POLI: variants seen among roughly 807,000 people sequenced by gnomAD.
POLI encodes the protein DNA polymerase iota, also known as RAD30 homolog B.
A neutral mutation model predicts 51.6 loss-of-function variants in POLI; 58 were observed. The observed-to-expected ratio is 1.12, with a 90% CI of 0.91 to 1.40. The LOEUF is 1.40. Among genes scored for constraint, POLI ranks in the 40% most tolerant of loss-of-function variants. POLI has a pLI of 0.00. For missense variants in POLI, 921 were observed against 871.3 expected, an observed-to-expected ratio of 1.06 and a Z score of -0.72; for synonymous variants, 322 against 299.7, an observed-to-expected ratio of 1.07 and a Z score of -0.77.
chr18:54,279,899 TATA>T (rs1343071879), intron 4 of POLI, among the ~76,000 whole-genome samples: 1 of 152,248 alleles, frequency 6.6e-6, no homozygotes, highest in Non-Finnish European at 1.5e-5. Flanking sequence ...TTTCTTGTTA[TATA>T]ATAATACTTC....
rs200895161 is a variant in POLI at position 54,280,674 on chromosome 18, C to T, written c.567C>T (p.Asn189=). Residue 189 remains asparagine (N), a synonymous_variant, in exon 5 of 10, where the codon AAC becomes AAT. Coordinates refer to ENST00000579534, the MANE Select transcript of POLI (RefSeq NM_007195.3). ...CATTTGTTGTTTTTAAAGCTATAAA[C>T]CTGCTTGACGTCTTGCACATCAGAC... is the stretch of plus-strand genomic sequence containing the variant. The part of the protein sequence containing the change: ...SGHVYNNQSI[N]LLDVLHIRLL... 1 of 1,606,228 alleles carries T rather than the reference C, an allele frequency of 6.2e-7. No homozygotes were observed. Among genetic ancestry groups the T allele is most frequent in the Non-Finnish European group, 8.5e-7 (1 of 1,173,108 alleles).
At chr18:54,312,099 CCT>C (rs2088676667) in intron 3 of POLI, among the ~76,000 whole-genome samples, 1 of 152,010 alleles carries the variant, frequency 6.6e-6, no homozygotes, top group Admixed American at 6.6e-5. Flanking sequence ...CCCTTGATCC[CCT>C]CTCTCCTTCT....
At position 54,294,124 on chromosome 18, in the gene POLI, A is replaced by C; in HGVS notation, c.1880A>C (p.Asn627Thr). The change falls in exon 10 of 10, where the codon AAT (asparagine) becomes ACT (threonine). Residue 627 changes from asparagine to threonine, a missense_variant. Asn to Thr is a moderately conservative substitution (Grantham distance 65). Coordinates refer to ENST00000579534, the MANE Select transcript of POLI (RefSeq NM_007195.3). ...AAGGATTATTCATATTATTTAGATAATAGATTAAAAGATGAACGAATAAGT... is the reference window on the plus strand; with the variant it reads ...AAGGATTATTCATATTATTTAGATACTAGATTAAAAGATGAACGAATAAGT... ...SQKDYSYYLD[N>T]RLKDERISQG... The C allele has an allele frequency of 6.2e-7, 1 of 1,609,626 alleles. No individual in the cohort carries two copies. Among genetic ancestry groups the C allele is most frequent in the Non-Finnish European group, 8.5e-7 (1 of 1,176,250 alleles).
intron 3 of POLI, among the ~76,000 whole-genome samples, chr18:54,275,630 A>G (rs932748929): frequency 3.3e-5 from 5 of 152,226 alleles, no homozygotes; most frequent in African/African-American, 7.2e-5. Context: ...TATTCATCAT[A>G]TAGATGAAGA....
At chr18:54,281,560 T>C (rs1341671098) in intron 5 of POLI, among the ~76,000 whole-genome samples, 2 of 152,178 alleles carry the variant, frequency 1.3e-5, no homozygotes, top group Non-Finnish European at 2.9e-5. Context: ...TTTTAACTGA[T>C]ACTTGCGTGA....
Position 54,293,898 on chromosome 18 carries a change from T to C in POLI, c.1654T>C (p.Phe552Leu). Reference protein sequence around the residue: ...EILSGKSREKFQGKGSVSCPL... With the variant: ...EILSGKSREKLQGKGSVSCPL... Reference sequence around the variant, plus strand: ...CCTTTCTGGAAAATCTAGGGAAAAATTTCAAGGGAAAGGAAGTGTGAGTTG... The same window carrying C: ...CCTTTCTGGAAAATCTAGGGAAAAACTTCAAGGGAAAGGAAGTGTGAGTTG... Residue 552 changes from phenylalanine to leucine, a missense_variant, in exon 10 of 10, where the codon TTT becomes CTT. Physicochemically the swap from Phe to Leu is conservative, Grantham distance 22. Transcript: ENST00000579534. 6.2e-7 allele frequency: 1 copy of C among 1,613,172 alleles called. No homozygotes were observed. The highest frequency in any genetic ancestry group is 8.5e-7 in the Non-Finnish European group (1 of 1,179,448).
At chr18:54,304,030 C>A (rs975402797) in intron 3 of POLI, among the ~76,000 whole-genome samples, 7 of 151,782 alleles carry the variant, frequency 4.6e-5, no homozygotes, top group Non-Finnish European at 1.0e-4. Flanking sequence ...TCTGTCCTTG[C>A]GACAGTTTGC....
Position 54,294,863 on chromosome 18 carries a change from C to A in POLI, c.*396C>A. The A allele has an allele frequency of 1.0e-6, 1 of 984,688 alleles. No homozygotes were observed. The highest frequency in any genetic ancestry group is 1.2e-6 in the Non-Finnish European group (1 of 829,992). The allele number at this position is 984,688 out of a possible 1,614,324, so 61.0% of individuals were successfully genotyped here. On this transcript the variant is annotated 3_prime_UTR_variant, in exon 10 of 10. Transcript: ENST00000579534. ...AAATGTGGAATATCTCAAATTCAGC[C>A]TCTTAGGCTGAATAGCAAATCCTAC...
At chr18:54,303,120 T>G (rs946137791), downstream of POLI, among the ~76,000 whole-genome samples, 4 of 152,192 alleles carry the variant, frequency 2.6e-5, no homozygotes, top group African/African-American at 9.7e-5. Flanking sequence ...CATTTAATGG[T>G]TCCAATGTAG....
In POLI at chr18:54,269,656, C is replaced by T. The variant is rs1299368253; in HGVS notation, c.110C>T (p.Ser37Leu). The change falls in exon 1 of 10, where the codon TCG (serine) becomes TTG (leucine). Residue 37 changes from serine (S) to leucine (L), a missense_variant. Ser to Leu is a moderately radical substitution (Grantham distance 145). Transcript: ENST00000579534. ...ELADVGAAASSQGVHDQVLPT... is the reference protein window; with the variant it reads ...ELADVGAAASLQGVHDQVLPT... ...GCGGACGTGGGGGCGGCAGCCAGCT[C>T]GCAGGGTGCGCCGCAGCCAGAGGAG... The T allele has an allele frequency of 7.3e-6, 11 of 1,505,014 alleles. No individual in the cohort carries two copies. The highest frequency in any genetic ancestry group is 9.7e-6 in the Non-Finnish European group (11 of 1,130,600). 93.2% of individuals were successfully genotyped at this position (1,505,014 alleles called of 1,614,324 possible).
At position 54,294,727 on chromosome 18, in the gene POLI, T is replaced by C. The variant is rs8093361; in HGVS notation, c.*260T>C. The C allele has an allele frequency of 1.5e-3, 1,611 of 1,047,748 alleles. 19 individuals carry two copies. In the African/African-American group the frequency reaches 0.025, roughly 16 times the overall value. The allele number at this position is 1,047,748 out of a possible 1,614,324, so 64.9% of individuals were successfully genotyped here. ...AATAAAAAGAATATCATGGTCAACA[T>C]AGAATATTTTTCATGAATTGGTGGG... On this transcript the variant is annotated 3_prime_UTR_variant, in exon 10 of 10. Transcript: ENST00000579534.
intron 3 of POLI, among the ~76,000 whole-genome samples, chr18:54,276,980 C>T (rs551874290): frequency 2.0e-5 from 3 of 152,074 alleles, no homozygotes; most frequent in Non-Finnish European, 4.4e-5. Flanking sequence ...AAAACTTTCT[C>T]AATGATTTTA....
chr18:54,317,529 T>A (rs1194904696), intron 3 of POLI, among the ~76,000 whole-genome samples: 1 of 152,112 alleles, frequency 6.6e-6, no homozygotes, highest in Non-Finnish European at 1.5e-5. Flanking sequence ...CCCAAAATAA[T>A]CTTTAAGTGG....
chr18:54,314,280 A>G (rs2088704883), intron 3 of POLI, among the ~76,000 whole-genome samples: 1 of 151,934 alleles, frequency 6.6e-6, no homozygotes, highest in Non-Finnish European at 1.5e-5. Flanking sequence ...ACATTTATTG[A>G]TTTGTATATG....
Position 54,283,034 on chromosome 18 carries a change from T to C in POLI, c.975+19T>C. On this transcript the variant is annotated intron_variant, in intron 6 of 9. Coordinates refer to ENST00000579534, the MANE Select transcript of POLI (RefSeq NM_007195.3). ...ACCTCAGGTACATGATGATACTTAT[T>C]TTAATTAAGTACTGGTTATCACATT... The C allele has an allele frequency of 6.9e-7, 1 of 1,458,300 alleles. No homozygotes were observed. Among genetic ancestry groups the C allele is most frequent in the Non-Finnish European group, 9.5e-7 (1 of 1,052,212 alleles). The allele number at this position is 1,458,300 out of a possible 1,614,324, so 90.3% of individuals were successfully genotyped here.
chr18:54,294,545 T>G lies in POLI; in HGVS notation c.*78T>G. The G allele has an allele frequency of 6.8e-7, 1 of 1,460,180 alleles. No homozygotes were observed. The highest frequency in any genetic ancestry group is 2.4e-5 in the East Asian group (1 of 41,886). The allele number at this position is 1,460,180 out of a possible 1,614,324, so 90.5% of individuals were successfully genotyped here. On this transcript the variant is annotated 3_prime_UTR_variant, in exon 10 of 10. Transcript: ENST00000579534. ...TAGCGGTTTATTAAGCTCTTCTATA[T>G]TAAACACTAATAGATATTCAATAAC...
chr18:54,281,049 G>A, intron 5 of POLI, 146 bp downstream of exon 5: 9 of 471,274 alleles, frequency 1.9e-5, no homozygotes, highest in South Asian at 9.3e-5. Context: ...CTTGGTTCCT[G>A]GAAAAAACTA....
intron 3 of POLI, among the ~76,000 whole-genome samples, chr18:54,275,803 T>G (rs906794626): frequency 5.3e-5 from 8 of 152,230 alleles, no homozygotes; most frequent in Admixed American, 2.0e-4. Flanking sequence ...ACCTAGTACT[T>G]TTTGTGTTAG....
At chr18:54,269,692 C>G (rs2086914002) in intron 1 of POLI, 31 bp downstream of exon 1, 1 of 1,484,300 alleles carries the variant, frequency 6.7e-7, no homozygotes, top group Admixed American at 2.4e-5. Flanking sequence ...CCAGCGGCCT[C>G]CTTGGGTGTA....
Sources: allele counts gnomAD v4.1 joint callset (sites outside exome capture counted in the v4.1 genomes callset), GRCh38; gene constraint gnomAD v4.1.1; transcripts MANE v1.5; gene names NCBI Gene and HGNC (gene_info 2026-07-23, HGNC 2026-07-21).